ANKRD17: variants seen among roughly 807,000 people sequenced by gnomAD.
ANKRD17 encodes ankyrin repeat domain 17.
Under a neutral mutation model 229.7 loss-of-function variants are expected in ANKRD17, and 19 were observed. That is an observed-to-expected ratio of 0.08 (90% CI 0.06 to 0.12). ANKRD17 has a LOEUF of 0.12. Among genes scored for constraint, ANKRD17 ranks in the 10% least tolerant of loss-of-function variants. ANKRD17 has a pLI of 1.00. For synonymous variants in ANKRD17, 1,112 were observed against 1,146.1 expected (o/e 0.97, Z 0.60); for missense variants, 2,176 against 3,176.8 (o/e 0.68, Z 7.57).
chr4:73,157,162 T>C (rs1286882214), intron 3 of ANKRD17, among the ~76,000 whole-genome samples: 1 of 152,176 alleles, frequency 6.6e-6, no homozygotes, highest in Non-Finnish European at 1.5e-5. Context: ...TTTTATAAAA[T>C]TTAATTAAAA....
intron 15 of ANKRD17, among the ~76,000 whole-genome samples, chr4:73,139,112 C>T (rs1375513886): frequency 6.6e-6 from 1 of 151,908 alleles, no homozygotes; most frequent in Non-Finnish European, 1.5e-5. Context: ...TATTTCTGTT[C>T]ATAAATAAGC....
chr4:73,239,479 G>C (rs890066217), intron 1 of ANKRD17, among the ~76,000 whole-genome samples: 3 of 152,252 alleles, frequency 2.0e-5, no homozygotes, highest in African/African-American at 4.8e-5. Flanking sequence ...AACTATATGT[G>C]TATTAACGTG....
intron 14 of ANKRD17, among the ~76,000 whole-genome samples, chr4:73,140,703 T>C (rs1560582596): frequency 6.6e-6 from 1 of 152,158 alleles, no homozygotes; most frequent in Non-Finnish European, 1.5e-5. Flanking sequence ...TCAGGTTTTT[T>C]CACATTTCAT....
At chr4:73,243,092 A>G (rs1744190610) in intron 1 of ANKRD17, among the ~76,000 whole-genome samples, 1 of 152,208 alleles carries the variant, frequency 6.6e-6, no homozygotes, top group African/African-American at 2.4e-5. Flanking sequence ...AAGAAAGTAA[A>G]AAGACCCTAG....
chr4:73,228,595 T>C (rs915892550), intron 1 of ANKRD17, among the ~76,000 whole-genome samples: 1 of 152,188 alleles, frequency 6.6e-6, no homozygotes, highest in South Asian at 2.1e-4. Flanking sequence ...AGGGTAACAT[T>C]ATTTTTTATA....
Position 73,258,627 on chromosome 4 carries a change from T to A in ANKRD17, c.42A>T (p.Ala14=), listed in dbSNP as rs1169988651. Residue 14 remains alanine (A), a synonymous_variant, in exon 1 of 34, where the codon GCA becomes GCT. Transcript: ENST00000358602. ...CCGCCGGGGGGCTCCCTTCTCCTTC[T>A]GCAGCCGTCGCCGCCGCCACCGGAA... The part of the protein sequence containing the change: ...ATVPVAAATA[A]EGEGSPPAVA... 5.4e-6 allele frequency: 8 copies of A among 1,487,632 alleles called. No homozygotes were observed. The highest frequency in any genetic ancestry group is 6.2e-6 in the Non-Finnish European group (7 of 1,128,148). The allele number at this position is 1,487,632 out of a possible 1,614,324, so 92.2% of individuals were successfully genotyped here. A position where few individuals can be genotyped will look rare whatever the true frequency, so the allele number is the denominator to read the frequency against.
At chr4:73,175,196 C>A (rs1369320453) in intron 2 of ANKRD17, among the ~76,000 whole-genome samples, 1 of 152,130 alleles carries the variant, frequency 6.6e-6, no homozygotes, top group Non-Finnish European at 1.5e-5. Context: ...ACAATCATGG[C>A]AGAAGGTGAA....
At chr4:73,144,694 G>A in intron 11 of ANKRD17, 51 bp downstream of exon 11, 1 of 1,269,132 alleles carries the variant, frequency 7.9e-7, no homozygotes, top group Non-Finnish European at 1.1e-6. Context: ...TCTAAATGAA[G>A]GCAGGGGTAG....
chr4:73,213,151 A>T (rs1740543103), intron 1 of ANKRD17, among the ~76,000 whole-genome samples: 1 of 152,222 alleles, frequency 6.6e-6, no homozygotes, highest in Non-Finnish European at 1.5e-5. Flanking sequence ...ATGTCACACA[A>T]ATATATGTTG....
chr4:73,120,350 T>G lies in ANKRD17; in HGVS notation c.3850-13A>C, dbSNP rs1726550505. On this transcript the variant is annotated splice_polypyrimidine_tract_variant and intron_variant, in intron 20 of 33. Coordinates refer to ENST00000358602, the MANE Select transcript of ANKRD17 (RefSeq NM_032217.5). The stretch of plus-strand genomic sequence containing the variant: ...GTGTGAGACCAGTCTAAGTTTAGTG[T>G]AAAATTAAAAGTAATGACACGTAAG... 6.2e-7 allele frequency: 1 copy of G among 1,611,342 alleles called. No individual in the cohort carries two copies.
chr4:73,147,489 A>G (rs1255160736), intron 8 of ANKRD17, 57 bp from the exon 9 acceptor site: 38 of 1,306,458 alleles, frequency 2.9e-5, no homozygotes, highest in Non-Finnish European at 3.7e-5. Flanking sequence ...CAGAGATATG[A>G]AAAACATGAT....
intron 29 of ANKRD17, among the ~76,000 whole-genome samples, chr4:73,089,859 C>T (rs1033607395): frequency 6.6e-6 from 1 of 151,998 alleles, no homozygotes; most frequent in Non-Finnish European, 1.5e-5. Context: ...GTTTTTTAAG[C>T]ACTTAAATAT....
At chr4:73,079,455 C>G (rs1021642600) in intron 30 of ANKRD17, among the ~76,000 whole-genome samples, 1 of 152,018 alleles carries the variant, frequency 6.6e-6, no homozygotes, top group East Asian at 1.9e-4. Flanking sequence ...TGCAGAGGCT[C>G]GATCATAACT....
At chr4:73,208,226 A>T (rs1739778322) in intron 1 of ANKRD17, among the ~76,000 whole-genome samples, 1 of 150,364 alleles carries the variant, frequency 6.7e-6, no homozygotes, top group African/African-American at 2.5e-5. Flanking sequence ...GAACATTATT[A>T]ACTTATTGGT....
Position 73,097,099 on chromosome 4 carries a change from A to G in ANKRD17, c.5177+18T>C. ...TGATATATAGCACATAAAAAGAATG[A>G]CAAAAACAATTACTCACCTTCTTAC... On this transcript the variant is annotated intron_variant, in intron 27 of 33. Transcript: ENST00000358602. The G allele has an allele frequency of 3.7e-6, 6 of 1,605,938 alleles. No individual in the cohort carries two copies. The South Asian group carries it at 4.5e-5, about 12-fold the overall frequency.
chr4:73,155,823 T>C (rs200516014), intron 4 of ANKRD17, 45 bp from the exon 5 acceptor site: 116 of 1,597,660 alleles, frequency 7.3e-5, no homozygotes, highest in Non-Finnish European at 7.0e-5. Context: ...GAAATAATCG[T>C]CAAAAAATTT....
At chr4:73,203,402 A>G (rs1738938013) in intron 1 of ANKRD17, among the ~76,000 whole-genome samples, 1 of 152,196 alleles carries the variant, frequency 6.6e-6, no homozygotes, top group South Asian at 2.1e-4. Flanking sequence ...CAATATCAAA[A>G]TATCTAAAAA....
Position 73,183,990 on chromosome 4 carries a change from C to T in ANKRD17, c.394-6457G>A, listed in dbSNP as rs554418590. On this transcript the variant is annotated intron_variant, in intron 1 of 33. Transcript: ENST00000358602. ...TAATACAAATATTTAATAATGAAAACCAAGGTCTTTTAACAATGGTCAGAG... is the reference window on the plus strand; with the variant it reads ...TAATACAAATATTTAATAATGAAAATCAAGGTCTTTTAACAATGGTCAGAG... Among the ~76,000 whole-genome samples the T allele has an allele frequency of 7.2e-5, 11 of 152,188 alleles. No individual in the cohort carries two copies. In the East Asian group the frequency reaches 2.1e-3, roughly 29 times the overall value.
chr4:73,248,385 A>C (rs1439069072), intron 1 of ANKRD17, among the ~76,000 whole-genome samples: 1 of 152,064 alleles, frequency 6.6e-6, no homozygotes, highest in Non-Finnish European at 1.5e-5. Flanking sequence ...TAGATGCCCC[A>C]AAAAAGTATA....
Sources: allele counts gnomAD v4.1 joint callset (sites outside exome capture counted in the v4.1 genomes callset), GRCh38; gene constraint gnomAD v4.1.1; transcripts MANE v1.5; gene names NCBI Gene and HGNC (gene_info 2026-07-23, HGNC 2026-07-21).